CENPW: variants seen among roughly 807,000 people sequenced by gnomAD.
CENPW encodes the protein centromere protein W, also known as cancer-up-regulated gene 2 protein.
Under a neutral mutation model 11.1 loss-of-function variants are expected in CENPW, and 3 were observed. The observed-to-expected ratio is 0.27, with a 90% CI of 0.12 to 0.70. The LOEUF is 0.70. Among genes scored for constraint, CENPW ranks in the 30% least tolerant of loss-of-function variants. CENPW has a pLI of 0.77. For synonymous variants in CENPW, 38 were observed against 42.0 expected (o/e 0.91, Z 0.37); for missense variants, 100 against 105.6 (o/e 0.95, Z 0.23).
At chr6:126,435,019 G>T in the CENPW span, among the ~76,000 whole-genome samples, 2 of 151,696 alleles carry the variant, frequency 1.3e-5, no homozygotes, top group Non-Finnish European at 2.9e-5. Flanking sequence ...CTCAATTATG[G>T]CCCCTCCTGC....
the CENPW span, among the ~76,000 whole-genome samples, chr6:126,456,381 G>A: frequency 3.3e-5 from 5 of 151,484 alleles, no homozygotes; most frequent in Admixed American, 1.3e-4. Context: ...ACAGAATAGC[G>A]TGCCCAGAAA....
chr6:126,397,797 A>G, the CENPW span, among the ~76,000 whole-genome samples: 1 of 152,090 alleles, frequency 6.6e-6, no homozygotes, highest in South Asian at 2.1e-4. Flanking sequence ...CTCTAACTCT[A>G]AACTTTAGCT....
At chr6:126,370,749 T>C in the CENPW span, among the ~76,000 whole-genome samples, 1 of 151,728 alleles carries the variant, frequency 6.6e-6, no homozygotes, top group African/African-American at 2.4e-5. Flanking sequence ...GGATGCAGTT[T>C]ATTTCTTTTT....
chr6:126,390,684 T>C, the CENPW span, among the ~76,000 whole-genome samples: 1 of 151,960 alleles, frequency 6.6e-6, no homozygotes, highest in Admixed American at 6.6e-5. Flanking sequence ...TTTACTTGTT[T>C]AAATTTTTAG....
At chr6:126,395,261 T>C in the CENPW span, among the ~76,000 whole-genome samples, 1 of 152,164 alleles carries the variant, frequency 6.6e-6, no homozygotes, top group Admixed American at 6.6e-5. Flanking sequence ...TATTTTTGAA[T>C]AACCTGTCTT....
At chr6:126,382,428 G>A in the CENPW span, among the ~76,000 whole-genome samples, 5 of 152,088 alleles carry the variant, frequency 3.3e-5, no homozygotes, top group African/African-American at 1.2e-4. Flanking sequence ...TCCAGCAAAA[G>A]TTCTTAACTG....
chr6:126,374,584 G>T, the CENPW span, among the ~76,000 whole-genome samples: 15 of 152,172 alleles, frequency 9.9e-5, no homozygotes, highest in Non-Finnish European at 1.3e-4. Flanking sequence ...GATCACATTT[G>T]TCAGCACTGA....
At chr6:126,473,679 G>A in the CENPW span, among the ~76,000 whole-genome samples, 2 of 151,830 alleles carry the variant, frequency 1.3e-5, no homozygotes, top group Non-Finnish European at 2.9e-5. Context: ...GTTGCAGCGA[G>A]CCAAGGTCAC....
the CENPW span, among the ~76,000 whole-genome samples, chr6:126,466,097 C>G: frequency 4.6e-5 from 7 of 152,202 alleles, no homozygotes; most frequent in African/African-American, 1.7e-4. Flanking sequence ...GTGCTGAATA[C>G]ATGACCCTAT....
chr6:126,388,059 C>T, the CENPW span, among the ~76,000 whole-genome samples: 2 of 151,902 alleles, frequency 1.3e-5, no homozygotes, highest in African/African-American at 2.4e-5. Context: ...CAAAAGGACA[C>T]TCAGACCAAG....
At chr6:126,414,050 G>A in the CENPW span, among the ~76,000 whole-genome samples, 107 of 151,920 alleles carry the variant, frequency 7.0e-4, no homozygotes, top group African/African-American at 2.4e-3. Flanking sequence ...CAAGCTTTAA[G>A]TAAAAGACTA....
At chr6:126,446,359 C>A in the CENPW span, among the ~76,000 whole-genome samples, 51 of 145,460 alleles carry the variant, frequency 3.5e-4, 1 homozygote, top group South Asian at 4.7e-4. Flanking sequence ...CCTCCCTGGC[C>A]CCCCCACAAG....
At chr6:126,366,092 GAAAAT>G in the CENPW span, among the ~76,000 whole-genome samples, 1 of 152,146 alleles carries the variant, frequency 6.6e-6, no homozygotes, top group Non-Finnish European at 1.5e-5. Flanking sequence ...AGTCAACTAT[GAAAAT>G]AAAGTTGGGA....
chr6:126,341,288 A>G (rs1340198198), intron 1 of CENPW, among the ~76,000 whole-genome samples: 2 of 152,220 alleles, frequency 1.3e-5, no homozygotes, highest in Non-Finnish European at 2.9e-5. Flanking sequence ...TAAAGGAGCC[A>G]TTATAAATGG....
At chr6:126,430,219 A>T in the CENPW span, among the ~76,000 whole-genome samples, 1 of 152,220 alleles carries the variant, frequency 6.6e-6, no homozygotes, top group Non-Finnish European at 1.5e-5. Context: ...TGTCTTGAAC[A>T]TATCAGGTGT....
At chr6:126,380,937 G>A in the CENPW span, among the ~76,000 whole-genome samples, 2 of 152,160 alleles carry the variant, frequency 1.3e-5, no homozygotes, top group Admixed American at 6.5e-5. Context: ...GCGTGTGTTT[G>A]TACTTTCTTG....
the CENPW span, among the ~76,000 whole-genome samples, chr6:126,397,324 CT>C: frequency 6.6e-6 from 1 of 152,134 alleles, no homozygotes; most frequent in African/African-American, 2.4e-5. Flanking sequence ...TTGCTTTCTG[CT>C]GTGATAGGGA....
chr6:126,426,270 A>G, the CENPW span, among the ~76,000 whole-genome samples: 1 of 152,180 alleles, frequency 6.6e-6, no homozygotes, highest in Non-Finnish European at 1.5e-5. Context: ...TGGAGAAGGA[A>G]AAAGACAAAG....
At chr6:126,409,050 C>A in the CENPW span, among the ~76,000 whole-genome samples, 1 of 151,818 alleles carries the variant, frequency 6.6e-6, no homozygotes, top group Non-Finnish European at 1.5e-5. Context: ...CAGTCGTTTA[C>A]TTGAAATCTT....
Sources: gnomAD v4.1 joint callset for allele counts (sites outside exome capture counted in the v4.1 genomes callset) on GRCh38, gnomAD v4.1.1 for gene constraint, MANE v1.5 for transcripts, NCBI Gene and HGNC (gene_info 2026-07-23, HGNC 2026-07-21) for gene names.